Variants in CCDC192 observed in about 807,000 individuals in gnomAD.
CCDC192 encodes coiled-coil domain-containing protein 192.
chr5:127,842,790 A>T (rs538894691), intron 5 of CCDC192, among the ~76,000 whole-genome samples: 1 of 152,178 alleles, frequency 6.6e-6, no homozygotes, highest in South Asian at 2.1e-4. Context: ...ACTCAGAGCT[A>T]TGATGTCTTA....
At chr5:127,738,923 T>C (rs7721476) in intron 2 of CCDC192, among the ~76,000 whole-genome samples, 70,495 of 149,722 alleles carry the variant, frequency 0.47, 17,340 homozygotes, top group African/African-American at 0.61. Flanking sequence ...CCTTCTTCCC[T>C]CAGCTCGTCA....
chr5:127,856,982 G>C (rs1751128413), intron 5 of CCDC192, among the ~76,000 whole-genome samples: 1 of 152,142 alleles, frequency 6.6e-6, no homozygotes, highest in African/African-American at 2.4e-5. Context: ...CTGCTGGAAG[G>C]GGCACTGATA....
At chr5:127,843,979 G>C (rs2127069661) in intron 5 of CCDC192, among the ~76,000 whole-genome samples, 1 of 152,280 alleles carries the variant, frequency 6.6e-6, no homozygotes, top group Non-Finnish European at 1.5e-5. Flanking sequence ...GCATTCCTGG[G>C]TTATCAGACA....
intron 6 of CCDC192, among the ~76,000 whole-genome samples, chr5:127,885,755 C>T (rs1291125035): frequency 2.0e-5 from 3 of 152,092 alleles, no homozygotes; most frequent in Non-Finnish European, 4.4e-5. Context: ...GCATTTATTT[C>T]TGGCCAGTGG....
chr5:127,881,318 A>G (rs906516792), intron 6 of CCDC192, among the ~76,000 whole-genome samples: 1 of 152,234 alleles, frequency 6.6e-6, no homozygotes, highest in African/African-American at 2.4e-5. Context: ...TACCTAGATT[A>G]ATATTCAGCT....
intron 5 of CCDC192, among the ~76,000 whole-genome samples, chr5:127,815,814 G>C (rs1254233767): frequency 6.6e-6 from 1 of 151,942 alleles, no homozygotes. Context: ...CTTGCAGTGA[G>C]AGTAGGTTGC....
Position 127,804,041 on chromosome 5 carries a change from C to T in CCDC192, c.411+5879C>T, listed in dbSNP as rs147380618. 1.3e-3 allele frequency among the ~76,000 whole-genome samples: 194 copies of T among 152,288 alleles called. 1 individual carries two copies. Among genetic ancestry groups the T allele is most frequent in the African/African-American group, 4.4e-3 (183 of 41,564 alleles). On this transcript the variant is annotated intron_variant, in intron 5 of 6. Transcript: ENST00000514853. ...CTCAGGGCATGGGAGGCACCCAGGA[C>T]GGGGGTCTCCCAAAATGCTGGTTTA...
At chr5:127,811,135 C>T (rs954964626) in intron 5 of CCDC192, among the ~76,000 whole-genome samples, 1 of 152,218 alleles carries the variant, frequency 6.6e-6, no homozygotes, top group Non-Finnish European at 1.5e-5. Context: ...AGTACGCTCT[C>T]TGCTGTCTTA....
chr5:127,892,501 T>C (rs1430530522), intron 6 of CCDC192, among the ~76,000 whole-genome samples: 1 of 152,194 alleles, frequency 6.6e-6, no homozygotes, highest in African/African-American at 2.4e-5. Flanking sequence ...CTTTAAAAAA[T>C]CTAAAATGAA....
chr5:127,851,558 A>G (rs1750798000), intron 5 of CCDC192, among the ~76,000 whole-genome samples: 1 of 152,134 alleles, frequency 6.6e-6, no homozygotes, highest in Non-Finnish European at 1.5e-5. Context: ...CCCAGGTTCA[A>G]GCGATTCTTC....
intron 5 of CCDC192, among the ~76,000 whole-genome samples, chr5:127,873,428 C>G (rs925970420): frequency 6.6e-6 from 1 of 152,112 alleles, no homozygotes; most frequent in East Asian, 1.9e-4. Flanking sequence ...AACTCAAAAA[C>G]TAGATTCTAT....
In CCDC192 at chr5:127,703,856, A is replaced by G. The variant is rs531377261; in HGVS notation, c.62+349A>G. On this transcript the variant is annotated intron_variant, in intron 1 of 6. Transcript: ENST00000514853. ...CTTCTTTCAGTTGAAAGGAAATGTCATCTTCACTACTCTCTTGCCAAGAGA... is the reference window on the plus strand; with the variant it reads ...CTTCTTTCAGTTGAAAGGAAATGTCGTCTTCACTACTCTCTTGCCAAGAGA... 1.3e-4 allele frequency among the ~76,000 whole-genome samples: 20 copies of G among 152,302 alleles called. 1 individual carries two copies. The East Asian group carries it at 3.1e-3, about 24-fold the overall frequency.
intron 2 of CCDC192, among the ~76,000 whole-genome samples, chr5:127,736,339 T>C (rs955023076): frequency 1.4e-5 from 2 of 147,906 alleles, no homozygotes; most frequent in African/African-American, 2.5e-5. Context: ...GCCAGTATTT[T>C]ATTGAGGATT....
At position 127,741,296 on chromosome 5, in the gene CCDC192, C is replaced by T. The variant is rs576928546; in HGVS notation, c.115-12972C>T. 5.9e-5 allele frequency among the ~76,000 whole-genome samples: 9 copies of T among 152,142 alleles called. No individual in the cohort carries two copies. The East Asian group carries it at 7.7e-4, about 13-fold the overall frequency. The stretch of plus-strand genomic sequence containing the variant: ...CAGGCTGATCTTGAACTCCTGGGCT[C>T]GAGAGATCTGTCCATCTTAGCCTCC... On this transcript the variant is annotated intron_variant, in intron 2 of 6. Transcript: ENST00000514853.
intron 5 of CCDC192, among the ~76,000 whole-genome samples, chr5:127,816,892 A>G (rs1176598932): frequency 6.6e-6 from 1 of 152,224 alleles, no homozygotes; most frequent in Non-Finnish European, 1.5e-5. Context: ...GATAAAAGAA[A>G]ATCAAGGCAA....
chr5:127,737,131 C>T (rs1343617689), intron 2 of CCDC192, among the ~76,000 whole-genome samples: 1 of 151,598 alleles, frequency 6.6e-6, no homozygotes, highest in African/African-American at 2.4e-5. Flanking sequence ...TATGTTGTGT[C>T]TTTGTTCTCG....
chr5:127,712,537 A>G (rs1272474762), intron 2 of CCDC192, among the ~76,000 whole-genome samples: 3 of 152,202 alleles, frequency 2.0e-5, no homozygotes, highest in Non-Finnish European at 2.9e-5. Context: ...AGATGCTGAC[A>G]CCATGCTTCT....
chr5:127,823,881 T>G (rs917303677), intron 5 of CCDC192, among the ~76,000 whole-genome samples: 1 of 152,242 alleles, frequency 6.6e-6, no homozygotes, highest in African/African-American at 2.4e-5. Context: ...GACCTTTAGT[T>G]GCCAACTGAC....
At chr5:127,811,046 A>G (rs1247309396) in intron 5 of CCDC192, among the ~76,000 whole-genome samples, 2 of 152,236 alleles carry the variant, frequency 1.3e-5, no homozygotes, top group Middle Eastern at 3.4e-3. Flanking sequence ...TGGTCTATAT[A>G]CAACACTCAG....
Sources: allele counts gnomAD v4.1 joint callset (sites outside exome capture counted in the v4.1 genomes callset), GRCh38; gene constraint gnomAD v4.1.1; transcripts MANE v1.5; gene names NCBI Gene and HGNC (gene_info 2026-07-23, HGNC 2026-07-21).